The following TAB1 variants were observed in gnomAD, a reference collection of about 807,000 sequenced individuals.
TAB1 encodes the protein TGF-beta-activated kinase 1 and MAP3K7-binding protein 1.
A neutral mutation model predicts 54.5 loss-of-function variants in TAB1; 30 were observed. That is an observed-to-expected ratio of 0.55 (90% CI 0.41 to 0.75). The LOEUF (loss-of-function observed/expected upper bound fraction) is 0.75, where lower values mean the gene tolerates loss of function less well. Ranked by LOEUF, TAB1 falls within the 30% of genes least tolerant of loss-of-function variation. The pLI, the probability that TAB1 is intolerant of heterozygous loss-of-function variation, is 0.00. For synonymous variants in TAB1, 289 were observed against 286.9 expected, an observed-to-expected ratio of 1.01 and a Z score of -0.07; for missense variants, 609 against 683.2, an observed-to-expected ratio of 0.89 and a Z score of 1.21.
chr22:39,422,076 G>C (rs1202420660), intron 8 of TAB1, 105 bp downstream of exon 8: 1 of 1,099,340 alleles, frequency 9.1e-7, no homozygotes, highest in Non-Finnish European at 1.2e-6. Context: ...GCCGTCACCA[G>C]ACATCTCTGG....
In TAB1 at chr22:39,431,699, C is replaced by T; in HGVS notation, c.*1477C>T. 4 of 985,492 alleles carry T rather than the reference C, an allele frequency of 4.1e-6. No homozygotes were observed. In the South Asian group the frequency reaches 1.9e-4, roughly 46 times the overall value. 61.0% of individuals were successfully genotyped at this position (985,492 alleles called of 1,614,324 possible). A position where few individuals can be genotyped will look rare whatever the true frequency, so the allele number is the denominator to read the frequency against. On this transcript the variant is annotated 3_prime_UTR_variant, in exon 11 of 11. Transcript: ENST00000216160. ...AGGGTCCTCGCTCACTCCCTCACTC[C>T]CCACTTTGAAGCCATCTCTGTTCTG...
chr22:39,424,946 C>A (rs1156590966), intron 8 of TAB1, among the ~76,000 whole-genome samples: 1 of 152,148 alleles, frequency 6.6e-6, no homozygotes, highest in Non-Finnish European at 1.5e-5. Context: ...TTCCTATTAC[C>A]TGTCCCTGCC....
Position 39,431,543 on chromosome 22 carries a change from T to C in TAB1, c.*1321T>C. The stretch of plus-strand genomic sequence containing the variant: ...CGCACAGCCTCTGGGGTGCTTGGTC[T>C]CTGCGAAGTCAAAGGCCTGACAGCT... On this transcript the variant is annotated 3_prime_UTR_variant, in exon 11 of 11. Transcript: ENST00000216160. 2 of 985,524 alleles carry C rather than the reference T, an allele frequency of 2.0e-6. No individual in the cohort carries two copies. Among genetic ancestry groups the C allele is most frequent in the South Asian group, 9.4e-5 (2 of 21,284 alleles). The allele number at this position is 985,524 out of a possible 1,614,324, so 61.0% of individuals were successfully genotyped here. A position where few individuals can be genotyped will look rare whatever the true frequency, so the allele number is the denominator to read the frequency against.
In TAB1 at chr22:39,430,259, TGGG is replaced by T. The variant is rs1568988389; in HGVS notation, c.*39_*41del. 1.2e-6 allele frequency: 2 copies of T among 1,605,818 alleles called. No individual in the cohort carries two copies. The highest frequency in any genetic ancestry group is 1.7e-4 in the Middle Eastern group (1 of 6,048). On this transcript the variant is annotated 3_prime_UTR_variant, in exon 11 of 11. Coordinates refer to ENST00000216160, the MANE Select transcript of TAB1 (RefSeq NM_006116.3). Reference sequence around the variant, plus strand: ...AATGCAGCCCAAGCAGGGCCTGGCATGGGGCAGGACAGGGTCCAGCCTTTTCCT... The same window carrying T: ...AATGCAGCCCAAGCAGGGCCTGGCATGCAGGACAGGGTCCAGCCTTTTCCT...
Position 39,430,399 on chromosome 22 carries a change from G to C in TAB1, c.*177G>C. On this transcript the variant is annotated 3_prime_UTR_variant, in exon 11 of 11. Transcript: ENST00000216160. ...TGTGTGAGTGCAGACTGGACCTGTG[G>C]TTCATACCTTGTCACCACCCGGGAA... is the stretch of plus-strand genomic sequence containing the variant. 2 of 1,441,852 alleles carry C rather than the reference G, an allele frequency of 1.4e-6. No individual in the cohort carries two copies. Among genetic ancestry groups the C allele is most frequent in the South Asian group, 2.9e-5 (2 of 69,964 alleles). 89.3% of individuals were successfully genotyped at this position (1,441,852 alleles called of 1,614,324 possible).
At chr22:39,401,836 G>A (rs991099115) in intron 1 of TAB1, among the ~76,000 whole-genome samples, 2 of 152,170 alleles carry the variant, frequency 1.3e-5, no homozygotes, top group African/African-American at 4.8e-5. Flanking sequence ...GGTGTGTAGG[G>A]CTTGCTGATG....
chr22:39,426,953 C>T, intron 9 of TAB1, 28 bp downstream of exon 9: 1 of 1,594,482 alleles, frequency 6.3e-7, no homozygotes, highest in Non-Finnish European at 8.5e-7. Context: ...ACAGGCAGTG[C>T]CTGGGGATGC....
chr22:39,433,269 G>A (rs778671569), downstream of TAB1: 1 of 868,406 alleles, frequency 1.2e-6, no homozygotes, highest in Non-Finnish European at 1.4e-6. Flanking sequence ...GGCTAACACG[G>A]TGAAACCCTG....
downstream of TAB1, among the ~76,000 whole-genome samples, chr22:39,435,933 CTT>C (rs1473363510): frequency 1.3e-5 from 2 of 152,182 alleles, no homozygotes; most frequent in Non-Finnish European, 2.9e-5. Flanking sequence ...CCATAAATCT[CTT>C]TGATCCCCAT....
chr22:39,420,051 G>C (rs982223691), intron 7 of TAB1, among the ~76,000 whole-genome samples: 1 of 152,210 alleles, frequency 6.6e-6, no homozygotes. Context: ...GGACAGACCA[G>C]GCCTGTTGGT....
intron 7 of TAB1, 21 bp from the exon 8 acceptor site, chr22:39,421,805 TC>T (rs1927102355): frequency 6.2e-7 from 1 of 1,613,590 alleles, no homozygotes; most frequent in African/African-American, 1.3e-5. Context: ...GCAAAGCTCT[TC>T]CTTCCACTCT....
intron 10 of TAB1, chr22:39,429,436 T>G: frequency 1.1e-5 from 10 of 877,934 alleles, no homozygotes; most frequent in African/African-American, 3.6e-5. Context: ...ACGGCGTCTC[T>G]AGCCACTTGT....
At chr22:39,432,055 C>T (rs907759245), downstream of TAB1, among the ~76,000 whole-genome samples, 13 of 150,494 alleles carry the variant, frequency 8.6e-5, no homozygotes, top group African/African-American at 1.5e-4. Flanking sequence ...CCCACAGCCC[C>T]GGGGAAACAT....
Position 39,415,140 on chromosome 22 carries a change from C to G in TAB1, c.168C>G (p.Phe56Leu), listed in dbSNP as rs1472684504. 1 of 1,580,784 alleles carries G rather than the reference C, an allele frequency of 6.3e-7. No homozygotes were observed. Among genetic ancestry groups the G allele is most frequent in the South Asian group, 1.1e-5 (1 of 87,768 alleles). Residue 56 changes from phenylalanine (F) to leucine (L), a missense_variant and splice_region_variant, in exon 2 of 11, where the codon TTC becomes TTG. Phe to Leu is a conservative substitution (Grantham distance 22). Transcript: ENST00000216160. This position sits in a 1 kb window ranked among gnomAD's most constrained non-coding sequence, Gnocchi z 4.9. ...CGCCAGAGGACAGCTGGCTCAAGTT[C>G]AGGTGTGTGTGCCAGCATTTCTGTG... ...SHPPEDSWLK[F>L]RSENNCFLYG...
At position 39,429,998 on chromosome 22, in the gene TAB1, C is replaced by T; in HGVS notation, c.1308-17C>T. 6.2e-7 allele frequency: 1 copy of T among 1,611,968 alleles called. No homozygotes were observed. The highest frequency in any genetic ancestry group is 8.5e-7 in the Non-Finnish European group (1 of 1,179,580). On this transcript the variant is annotated splice_polypyrimidine_tract_variant and intron_variant, in intron 10 of 10. Coordinates refer to ENST00000216160, the MANE Select transcript of TAB1 (RefSeq NM_006116.3). ...CCCGGCTGCTTCTGATTGACTCCCT[C>T]CCCTGTTGTCCTGCAGCCAAAGCCC...
downstream of TAB1, chr22:39,432,578 C>A: frequency 4.7e-6 from 1 of 211,200 alleles, no homozygotes; most frequent in Non-Finnish European, 8.2e-6. Flanking sequence ...GCCGAGCCGC[C>A]AGGGGTCCTG....
chr22:39,427,059 C>T (rs1383336324), intron 9 of TAB1, 134 bp downstream of exon 9: 2 of 888,956 alleles, frequency 2.2e-6, no homozygotes, highest in Non-Finnish European at 1.7e-6. Context: ...AATTCAGGTT[C>T]TCTGATTTTT....
downstream of TAB1, chr22:39,436,678 C>T: frequency 2.2e-6 from 2 of 892,360 alleles, no homozygotes; most frequent in Admixed American, 2.0e-5. Flanking sequence ...AGGCCAGGCC[C>T]CGCCCCCTCC....
At chr22:39,429,145 G>C (rs1927477423) in intron 10 of TAB1, 1 of 985,468 alleles carries the variant, frequency 1.0e-6, no homozygotes, top group Non-Finnish European at 1.2e-6. Flanking sequence ...AGCCATAGTT[G>C]GTCCCACCAT....
Sources: allele counts gnomAD v4.1 joint callset (sites outside exome capture counted in the v4.1 genomes callset), GRCh38; gene constraint gnomAD v4.1.1; non-coding constraint Gnocchi (gnomAD v3.1); transcripts MANE v1.5; gene names NCBI Gene and HGNC (gene_info 2026-07-23, HGNC 2026-07-21).